Variants in AK9 observed in about 807,000 individuals in gnomAD.
AK9 encodes adenylate kinase 9.
Under a neutral mutation model 239.6 loss-of-function variants are expected in AK9, and 191 were observed. The observed-to-expected ratio is 0.80, with a 90% confidence interval of 0.71 to 0.90. The LOEUF is 0.90. Among genes scored for constraint, AK9 ranks in the 40% least tolerant of loss-of-function variants. The probability of loss-of-function intolerance (pLI) is 0.00; values close to 1 mark genes in which losing one functional copy is unlikely to be tolerated. For missense variants in AK9, 1,995 were observed against 2,214.7 expected (o/e 0.90, Z 1.99); for synonymous variants, 689 against 721.0 (o/e 0.96, Z 0.71).
intron 17 of AK9, among the ~76,000 whole-genome samples, chr6:109,600,480 CA>C (rs1250176853): frequency 6.6e-6 from 1 of 152,134 alleles, no homozygotes; most frequent in Non-Finnish European, 1.5e-5. Flanking sequence ...TTTGGTTTAC[CA>C]GTATTTTATT....
At chr6:109,573,686 T>C (rs1475809866) in intron 20 of AK9, 92 bp from the exon 21 acceptor site, 6 of 1,242,786 alleles carry the variant, frequency 4.8e-6, no homozygotes, top group Admixed American at 5.1e-5. Flanking sequence ...ACAAAGAATA[T>C]GAAATGGTCC....
intron 21 of AK9, among the ~76,000 whole-genome samples, chr6:109,573,001 A>C (rs1331649364): frequency 1.3e-5 from 2 of 152,196 alleles, no homozygotes; most frequent in East Asian, 3.8e-4. Flanking sequence ...GCATTTAAAA[A>C]TGGCATTGCA....
intron 40 of AK9, 83 bp from the exon 41 acceptor site, chr6:109,493,654 G>T: frequency 8.4e-7 from 1 of 1,197,374 alleles, no homozygotes; most frequent in Non-Finnish European, 1.2e-6. Flanking sequence ...GTGTGGTTGA[G>T]TTAGTTACAC....
At position 109,533,249 on chromosome 6, in the gene AK9, A is replaced by T. The variant is rs550285670; in HGVS notation, c.3570+2T>A. The T allele has an allele frequency of 4.1e-5, 66 of 1,601,204 alleles. No homozygotes were observed. The highest frequency in any genetic ancestry group is 5.5e-5 in the Non-Finnish European group (64 of 1,173,748). On this transcript the variant is annotated splice_donor_variant, in intron 28 of 40. Transcript: ENST00000424296. LOFTEE classifies it high-confidence loss of function. ...TTCAATGCATTTTTGCTAGATACAT[A>T]CCCTGATTTTTGCCTTCATGTCTTT... is the stretch of plus-strand genomic sequence containing the variant.
At position 109,561,953 on chromosome 6, in the gene AK9, C is replaced by T. The variant is rs148138403; in HGVS notation, c.2751+1644G>A. ...TTTGTAGATCTGAACTATATGTACA[C>T]GTTGAGCATCCCTAATCCCCAAATC... On this transcript the variant is annotated intron_variant, in intron 24 of 40. Coordinates refer to ENST00000424296, the MANE Select transcript of AK9 (RefSeq NM_001145128.3). Among the ~76,000 whole-genome samples the T allele has an allele frequency of 6.6e-5, 10 of 152,146 alleles. No homozygotes were observed. In the South Asian group the frequency reaches 1.9e-3, roughly 28 times the overall value.
chr6:109,590,723 T>C (rs1790110688), intron 17 of AK9, among the ~76,000 whole-genome samples: 1 of 152,210 alleles, frequency 6.6e-6, no homozygotes, highest in African/African-American at 2.4e-5. Flanking sequence ...ATGTTGTGTC[T>C]ATTTTCATCT....
At chr6:109,663,820 C>T (rs1562577040) in intron 5 of AK9, among the ~76,000 whole-genome samples, 1 of 152,182 alleles carries the variant, frequency 6.6e-6, no homozygotes, top group Non-Finnish European at 1.5e-5. Context: ...TGCAACCAAC[C>T]TTCAGGAAAC....
At chr6:109,644,419 T>C (rs1797788286) in intron 9 of AK9, 195 bp downstream of exon 9, 1 of 443,670 alleles carries the variant, frequency 2.3e-6, no homozygotes, top group South Asian at 6.0e-5. Flanking sequence ...AGATTTTAAA[T>C]TCGAATGTAG....
At chr6:109,593,437 A>G (rs913894611) in intron 17 of AK9, among the ~76,000 whole-genome samples, 1 of 152,194 alleles carries the variant, frequency 6.6e-6, no homozygotes, top group Non-Finnish European at 1.5e-5. Flanking sequence ...CCAGGGGTAC[A>G]AAGAGGAGCC....
At chr6:109,618,829 G>A (rs749729354) in intron 13 of AK9, among the ~76,000 whole-genome samples, 15 of 152,044 alleles carry the variant, frequency 9.9e-5, no homozygotes, top group Non-Finnish European at 1.8e-4. Flanking sequence ...CAAACAGTCT[G>A]CCCAGTAAGG....
At chr6:109,603,682 G>GAGGC (rs1186790498) in intron 17 of AK9, among the ~76,000 whole-genome samples, 1 of 152,188 alleles carries the variant, frequency 6.6e-6, no homozygotes, top group African/African-American at 2.4e-5. Context: ...GGAGTCTACA[G>GAGGC]AGGCAGGCAG....
intron 12 of AK9, among the ~76,000 whole-genome samples, chr6:109,621,952 A>C (rs1029487759): frequency 2.3e-5 from 3 of 130,232 alleles, no homozygotes; most frequent in East Asian, 5.1e-4. Context: ...AGCAAAAAAA[A>C]CAAAAAAAAA....
In AK9 at chr6:109,644,635, T is replaced by C. The variant is rs1435357758; in HGVS notation, c.813A>G (p.Lys271=). ...TCACCATAAAGAGCTCCTCTGCTGG[T>C]TTATTTCCATTTAGCTCAATGAGAT... The part of the protein sequence containing the change: ...PQYLIELNGN[K]PAEELFMIVM... Residue 271 remains lysine, a synonymous_variant, in exon 9 of 41, where the codon AAA becomes AAG. Transcript: ENST00000424296. 2 of 1,612,402 alleles carry C rather than the reference T, an allele frequency of 1.2e-6. No homozygotes were observed. The highest frequency in any genetic ancestry group is 1.7e-6 in the Non-Finnish European group (2 of 1,179,858).
intron 6 of AK9, among the ~76,000 whole-genome samples, chr6:109,661,145 C>T (rs1407318541): frequency 1.3e-5 from 2 of 152,190 alleles, no homozygotes; most frequent in Non-Finnish European, 2.9e-5. Flanking sequence ...GCACTGAATT[C>T]TGTCTCACAT....
At chr6:109,545,507 GTTTC>G (rs1035699148) in intron 26 of AK9, among the ~76,000 whole-genome samples, 2 of 152,168 alleles carry the variant, frequency 1.3e-5, no homozygotes, top group Non-Finnish European at 2.9e-5. Context: ...ATAACGGGGA[GTTTC>G]CCTGCACAAG....
chr6:109,498,943 C>G, intron 36 of AK9, 101 bp downstream of exon 36: 2 of 1,034,888 alleles, frequency 1.9e-6, no homozygotes, highest in Non-Finnish European at 2.6e-6. Flanking sequence ...AATGGGGCTC[C>G]TAGTCCCAAG....
chr6:109,661,847 C>T (rs541991728), intron 6 of AK9, among the ~76,000 whole-genome samples: 1 of 152,206 alleles, frequency 6.6e-6, no homozygotes, highest in Non-Finnish European at 1.5e-5. Flanking sequence ...ATTCTTATCA[C>T]AACCCCATGA....
chr6:109,669,795 T>C (rs952779928), intron 5 of AK9, among the ~76,000 whole-genome samples: 21 of 152,110 alleles, frequency 1.4e-4, no homozygotes, highest in Non-Finnish European at 1.5e-5. Flanking sequence ...GAGTGCTAGG[T>C]TCTAAAACAA....
In AK9 at chr6:109,564,117, T is replaced by G; in HGVS notation, c.2598A>C (p.Pro866=). The change falls in exon 23 of 41, where the codon CCA becomes CCC. Residue 866 remains proline (P), a synonymous_variant. Transcript: ENST00000424296. Reference sequence around the variant, plus strand: ...CAACTACTTTTTGAAGTAATTCCTGTGGAGTTCTGTCAGCAATCTCCAAGT... The same window carrying G: ...CAACTACTTTTTGAAGTAATTCCTGGGGAGTTCTGTCAGCAATCTCCAAGT... ...ILNLEIADRT[P]QELLQKVVET... is the part of the protein sequence containing the mutation. The G allele has an allele frequency of 6.4e-7, 1 of 1,551,384 alleles. No individual in the cohort carries two copies. The highest frequency in any genetic ancestry group is 8.7e-7 in the Non-Finnish European group (1 of 1,146,858).
Sources: gnomAD v4.1 joint callset for allele counts (sites outside exome capture counted in the v4.1 genomes callset) on GRCh38, gnomAD v4.1.1 for gene constraint, MANE v1.5 for transcripts, NCBI Gene and HGNC (gene_info 2026-07-23, HGNC 2026-07-21) for gene names.